Variants in CFHR2 observed in about 807,000 individuals in gnomAD.
The protein encoded by CFHR2 is complement factor H related 2, also known as complement factor H-related protein 2.
CFHR2 carries 22 observed loss-of-function variants against 21.7 expected under a neutral mutation model. That is an observed-to-expected ratio of 1.01 (90% CI 0.72 to 1.45). CFHR2 has a LOEUF of 1.45. Among genes scored for constraint, CFHR2 ranks in the 40% most tolerant of loss-of-function variants. The pLI is 0.00. For missense variants in CFHR2, 294 were observed against 293.3 expected (o/e 1.00, Z -0.02); for synonymous variants, 98 against 97.4 (o/e 1.01, Z -0.04).
Position 196,950,964 on chromosome 1 carries a change from C to G in CFHR2, c.366C>G (p.Asn122Lys). Residue 122 changes from asparagine to lysine, a missense_variant, in exon 3 of 5, where the codon AAC (asparagine) becomes AAG (lysine). Physicochemically the swap from Asn to Lys is moderately conservative, Grantham distance 94. Coordinates refer to ENST00000367415, the MANE Select transcript of CFHR2 (RefSeq NM_005666.4). ...GCAACACAGGATACAGACTTCAAAACAATGAGAACAACATTTCATGTGTAG... is the reference window on the plus strand; with the variant it reads ...GCAACACAGGATACAGACTTCAAAAGAATGAGAACAACATTTCATGTGTAG... The part of the protein sequence containing the change: ...IICNTGYRLQ[N>K]NENNISCVER... 1.2e-6 allele frequency: 2 copies of G among 1,614,056 alleles called. No homozygotes were observed. Among genetic ancestry groups the G allele is most frequent in the Non-Finnish European group, 1.7e-6 (2 of 1,180,014 alleles).
At chr1:196,958,194 C>T (rs994984769) in intron 4 of CFHR2, 121 bp downstream of exon 4, 5 of 946,112 alleles carry the variant, frequency 5.3e-6, no homozygotes, top group Non-Finnish European at 7.9e-6. Flanking sequence ...TGCTTGCCTA[C>T]CAAATGTCTA....
Position 196,953,243 on chromosome 1 carries a change from A to ATTAGTTAT in CFHR2, c.430+2218_430+2219insGTTATTTA, listed in dbSNP as rs1553310140. On this transcript the variant is annotated intron_variant, in intron 3 of 4. Coordinates refer to ENST00000367415, the MANE Select transcript of CFHR2 (RefSeq NM_005666.4). ...GCTGGGAAACCCTACATCAGCCAAGATTATTTATTTATTTATTTATTTATT... is the reference window on the plus strand; with the variant it reads ...GCTGGGAAACCCTACATCAGCCAAGATTAGTTATTTATTTATTTATTTATTTATTTATT... 4.0e-5 allele frequency among the ~76,000 whole-genome samples: 6 copies of ATTAGTTAT among 150,236 alleles called. No homozygotes were observed. In the South Asian group the frequency reaches 1.3e-3, roughly 32 times the overall value.
At chr1:196,950,182 A>G (rs1171200114) in intron 2 of CFHR2, among the ~76,000 whole-genome samples, 1 of 152,204 alleles carries the variant, frequency 6.6e-6, no homozygotes, top group East Asian at 1.9e-4. Flanking sequence ...ATGAGGCAAC[A>G]AAGGAGATAG....
At chr1:196,948,963 T>C (rs1219742286) in intron 1 of CFHR2, among the ~76,000 whole-genome samples, 17 of 152,076 alleles carry the variant, frequency 1.1e-4, no homozygotes, top group Admixed American at 4.6e-4. Context: ...ATGATATTAA[T>C]AAACAAACAA....
chr1:196,947,042 A>G (rs1173496595), intron 1 of CFHR2, among the ~76,000 whole-genome samples: 1 of 152,132 alleles, frequency 6.6e-6, no homozygotes, highest in Non-Finnish European at 1.5e-5. Flanking sequence ...GCTACACTAT[A>G]ATCTTATGGG....
At chr1:196,955,374 C>A (rs1652828873) in intron 3 of CFHR2, among the ~76,000 whole-genome samples, 1 of 152,100 alleles carries the variant, frequency 6.6e-6, no homozygotes, top group African/African-American at 2.4e-5. Flanking sequence ...CCAAACTTTC[C>A]CTCATCTTCC....
intron 3 of CFHR2, 117 bp from the exon 4 acceptor site, chr1:196,957,774 T>G (rs1652947834): frequency 2.3e-6 from 2 of 880,106 alleles, no homozygotes; most frequent in Admixed American, 2.7e-5. Flanking sequence ...GGGAATCATT[T>G]CATTCAGCAC....
chr1:196,958,215 T>C (rs1011878024), intron 4 of CFHR2, 142 bp downstream of exon 4: 4 of 666,846 alleles, frequency 6.0e-6, no homozygotes, highest in African/African-American at 5.6e-5. Context: ...TATGATAGAA[T>C]GTAAAGTTTA....
At chr1:196,947,129 ATGTGTG>A (rs60284392) in intron 1 of CFHR2, among the ~76,000 whole-genome samples, 20 of 148,634 alleles carry the variant, frequency 1.3e-4, no homozygotes, top group African/African-American at 3.7e-4. Flanking sequence ...GTATATATGT[ATGTGTG>A]TGTGTGTGTG....
At chr1:196,958,393 A>AGT (rs111351996) in intron 4 of CFHR2, among the ~76,000 whole-genome samples, 6,307 of 148,554 alleles carry the variant, frequency 0.042, 133 homozygotes, top group Non-Finnish European at 0.049. Context: ...ATTGTGTGTA[A>AGT]GTGTGTGTGT....
chr1:196,956,041 C>T (rs1291329653), intron 3 of CFHR2, among the ~76,000 whole-genome samples: 1 of 152,218 alleles, frequency 6.6e-6, no homozygotes, highest in East Asian at 1.9e-4. Flanking sequence ...TGTGAACTCA[C>T]TCACTATCAT....
chr1:196,954,402 T>C (rs1267344676), intron 3 of CFHR2, among the ~76,000 whole-genome samples: 3 of 152,212 alleles, frequency 2.0e-5, no homozygotes, highest in East Asian at 1.9e-4. Flanking sequence ...TGGGCTAGCA[T>C]TGAGTGCCTG....
At chr1:196,957,038 G>A (rs1652912023) in intron 3 of CFHR2, among the ~76,000 whole-genome samples, 1 of 152,226 alleles carries the variant, frequency 6.6e-6, no homozygotes, top group African/African-American at 2.4e-5. Flanking sequence ...AAGTGTGGAG[G>A]GTGGTCATTG....
rs1488451158 is a variant in CFHR2, at chr1:196,959,245, GGT to G, written c.*167_*168del. 13 of 583,792 alleles carry G rather than the reference GGT, an allele frequency of 2.2e-5. 1 individual carries two copies. The East Asian group carries it at 3.8e-4, about 17-fold the overall frequency. 36.2% of individuals were successfully genotyped at this position (583,792 alleles called of 1,614,324 possible). On this transcript the variant is annotated 3_prime_UTR_variant, in exon 5 of 5. Coordinates refer to ENST00000367415, the MANE Select transcript of CFHR2 (RefSeq NM_005666.4). ...ATTACAATCTGAGATGTGTCACAAT[GGT>G]GAGGACTATCTTCACCAAATCTAAG...
chr1:196,958,801 T>C (rs1653002184), intron 4 of CFHR2, 80 bp from the exon 5 acceptor site: 1 of 888,520 alleles, frequency 1.1e-6, no homozygotes, highest in Non-Finnish European at 1.8e-6. Context: ...AACCATCATA[T>C]AACATTCTAC....
chr1:196,958,199 T>C (rs1056466313), intron 4 of CFHR2, 126 bp downstream of exon 4: 17 of 879,954 alleles, frequency 1.9e-5, no homozygotes, highest in Non-Finnish European at 2.6e-5. Context: ...GCCTACCAAA[T>C]GTCTATATGA....
intron 1 of CFHR2, among the ~76,000 whole-genome samples, chr1:196,947,949 A>G (rs1171617265): frequency 2.6e-5 from 4 of 152,134 alleles, no homozygotes; most frequent in East Asian, 1.9e-4. Flanking sequence ...CTTCCACTCA[A>G]TTTTGCTGTG....
At chr1:196,946,079 T>A (rs897108056) in intron 1 of CFHR2, among the ~76,000 whole-genome samples, 1 of 152,058 alleles carries the variant, frequency 6.6e-6, no homozygotes, top group Admixed American at 6.6e-5. Context: ...CAGTATAAAA[T>A]ATTAAAAACG....
chr1:196,946,162 T>A (rs532078547), intron 1 of CFHR2, among the ~76,000 whole-genome samples: 8 of 152,346 alleles, frequency 5.3e-5, no homozygotes, highest in Admixed American at 2.0e-4. Context: ...AGTCATTACA[T>A]GAGTGGTGAG....
Sources: allele counts gnomAD v4.1 joint callset (sites outside exome capture counted in the v4.1 genomes callset), GRCh38; gene constraint gnomAD v4.1.1; transcripts MANE v1.5; gene names NCBI Gene and HGNC (gene_info 2026-07-23, HGNC 2026-07-21).